The following KLRD1 variants were observed in gnomAD, a reference collection of about 807,000 sequenced individuals.
KLRD1 encodes the protein killer cell lectin like receptor D1.
A neutral mutation model predicts 22.6 loss-of-function variants in KLRD1; 21 were observed. That is an observed-to-expected ratio of 0.93 (90% CI 0.66 to 1.34). The LOEUF is 1.34. Ranked by LOEUF, KLRD1 falls within the 40% of genes most tolerant of loss-of-function variation. The pLI is 0.00. For missense variants in KLRD1, 183 were observed against 208.6 expected, an observed-to-expected ratio of 0.88 and a Z score of 0.76; for synonymous variants, 59 against 71.1, an observed-to-expected ratio of 0.83 and a Z score of 0.85.
chr12:10,295,051 G>C (rs1949809811), intron 1 of KLRD1, among the ~76,000 whole-genome samples: 1 of 152,166 alleles, frequency 6.6e-6, no homozygotes, highest in South Asian at 2.1e-4. Context: ...TTGGATGGTA[G>C]TTACAAGAGT....
intron 1 of KLRD1, among the ~76,000 whole-genome samples, chr12:10,255,351 T>A (rs925163167): frequency 1.3e-5 from 2 of 152,222 alleles, no homozygotes; most frequent in African/African-American, 4.8e-5. Flanking sequence ...TTTATGTACA[T>A]ACCTTCTAGT....
At chr12:10,271,858 T>C (rs1420196641) in intron 1 of KLRD1, among the ~76,000 whole-genome samples, 3 of 152,136 alleles carry the variant, frequency 2.0e-5, no homozygotes, top group African/African-American at 7.2e-5. Flanking sequence ...AAATTCTTAC[T>C]CTTTTAAAAA....
chr12:10,302,784 A>C (rs1949878155), upstream of KLRD1, among the ~76,000 whole-genome samples: 1 of 151,736 alleles, frequency 6.6e-6, no homozygotes, highest in Non-Finnish European at 1.5e-5. Flanking sequence ...AAAAAAAAAA[A>C]CCAACCTTAA....
intron 1 of KLRD1, among the ~76,000 whole-genome samples, chr12:10,286,952 A>G (rs896383508): frequency 3.9e-5 from 6 of 152,074 alleles, no homozygotes; most frequent in African/African-American, 1.4e-4. Context: ...AGCCTGGCCA[A>G]TGTGGCAAAA....
At chr12:10,278,951 CTTT>C (rs1167243705) in intron 1 of KLRD1, among the ~76,000 whole-genome samples, 2 of 75,782 alleles carry the variant, frequency 2.6e-5, no homozygotes, top group Non-Finnish European at 3.0e-5. Context: ...TTTTACAATT[CTTT>C]TTTTTTTTTT....
At chr12:10,309,602 C>T (rs1265384902) in intron 2 of KLRD1, 24 bp from the exon 3 acceptor site, 4 of 1,578,620 alleles carry the variant, frequency 2.5e-6, no homozygotes, top group African/African-American at 1.3e-5. Flanking sequence ...CCTAATTAAA[C>T]AAATTTCTAA....
intron 1 of KLRD1, among the ~76,000 whole-genome samples, chr12:10,275,444 G>T (rs1022602625): frequency 6.6e-6 from 1 of 152,192 alleles, no homozygotes; most frequent in South Asian, 2.1e-4. Flanking sequence ...TTGACCTGCT[G>T]ATCTTTTTAA....
Position 10,323,327 on chromosome 12 carries a change from A to T in KLRD1, c.*8534A>T, listed in dbSNP as rs962960083. On this transcript the variant is annotated 3_prime_UTR_variant, in exon 6 of 6. Transcript: ENST00000336164. Reference sequence around the variant, plus strand: ...TTACTCTGTATTCTTGACAATACATAGTATTATGAATTATTTTAGTCTAAG... The same window carrying T: ...TTACTCTGTATTCTTGACAATACATTGTATTATGAATTATTTTAGTCTAAG... The T allele has an allele frequency of 2.6e-5, 4 of 152,184 alleles. No homozygotes were observed. Among genetic ancestry groups the T allele is most frequent in the Admixed American group, 6.5e-5 (1 of 15,270 alleles). 9.4% of individuals were successfully genotyped at this position (152,184 alleles called of 1,614,324 possible).
intron 5 of KLRD1, among the ~76,000 whole-genome samples, chr12:10,314,287 T>C (rs965122115): frequency 2.6e-5 from 4 of 152,226 alleles, no homozygotes; most frequent in African/African-American, 9.6e-5. Flanking sequence ...ACTTTTTGAA[T>C]CTCATTTTCA....
At chr12:10,239,315 T>G (rs1045970893) in intron 1 of KLRD1, among the ~76,000 whole-genome samples, 2 of 152,170 alleles carry the variant, frequency 1.3e-5, no homozygotes, top group African/African-American at 2.4e-5. Context: ...ACCACAAAGA[T>G]AGAGAATTGC....
Position 10,239,444 on chromosome 12 carries a change from TC to T in KLRD1, c.-101+13213del, listed in dbSNP as rs1184704120. On this transcript the variant is annotated intron_variant, in intron 1 of 5. Coordinates refer to the KLRD1 transcript ENST00000544747. ...TCCATCCTTCCTTCCTTTCCTTCCT[TC>T]CTTCCTTCCTTCCTTCCTTCCTTCC... Among the ~76,000 whole-genome samples the T allele has an allele frequency of 1.1e-3, 40 of 37,964 alleles. 2 individuals carry two copies. Among genetic ancestry groups the T allele is most frequent in the East Asian group, 5.2e-3 (4 of 772 alleles). 24.9% of individuals were successfully genotyped at this position (37,964 alleles called of 152,430 possible).
At chr12:10,288,067 CAAA>C (rs35335784) in intron 1 of KLRD1, among the ~76,000 whole-genome samples, 5 of 92,920 alleles carry the variant, frequency 5.4e-5, no homozygotes, top group Admixed American at 1.2e-4. Context: ...GACTCTGTCT[CAAA>C]AAAAAAAAAA....
At chr12:10,239,454 C>A (rs1949215257) in intron 1 of KLRD1, among the ~76,000 whole-genome samples, 1 of 23,228 alleles carries the variant, frequency 4.3e-5, no homozygotes. Context: ...TCCTTCCTTC[C>A]TTCCTTCCTT....
chr12:10,257,482 C>CTTTTTTTT (rs56871156), intron 1 of KLRD1, among the ~76,000 whole-genome samples: 55 of 97,376 alleles, frequency 5.6e-4, no homozygotes, highest in African/African-American at 1.9e-3. Context: ...GTAGCTGATT[C>CTTTTTTTT]TTTTTTTTTT....
chr12:10,288,796 T>C (rs1410064935), intron 1 of KLRD1, among the ~76,000 whole-genome samples: 1 of 152,238 alleles, frequency 6.6e-6, no homozygotes, highest in Middle Eastern at 3.2e-3. Context: ...AATAATCCTT[T>C]ATAAGACTCT....
intron 1 of KLRD1, among the ~76,000 whole-genome samples, chr12:10,267,726 G>A (rs1565453822): frequency 6.6e-6 from 1 of 152,322 alleles, no homozygotes; most frequent in South Asian, 2.1e-4. Context: ...TAGAAGGATC[G>A]TGGCTAAAGT....
intron 1 of KLRD1, among the ~76,000 whole-genome samples, chr12:10,239,681 G>A (rs957159797): frequency 1.2e-4 from 18 of 148,092 alleles, no homozygotes; most frequent in Middle Eastern, 3.5e-3. Context: ...TCACTCTGTT[G>A]CCCAGGCTGG....
chr12:10,261,821 A>G (rs1479226651), intron 1 of KLRD1, among the ~76,000 whole-genome samples: 2 of 152,126 alleles, frequency 1.3e-5, no homozygotes, highest in African/African-American at 2.4e-5. Context: ...TAATACTTGT[A>G]TCATAAGATT....
intron 1 of KLRD1, among the ~76,000 whole-genome samples, chr12:10,264,504 TTC>T (rs5796388): frequency 0.8 from 121,990 of 152,026 alleles, 53,523 homozygotes; most frequent in Non-Finnish European, 0.98. Flanking sequence ...TAAAATAGTC[TTC>T]TATATGGAGT....
Sources: allele counts gnomAD v4.1 joint callset (sites outside exome capture counted in the v4.1 genomes callset), GRCh38; gene constraint gnomAD v4.1.1; transcripts MANE v1.5; gene names NCBI Gene and HGNC (gene_info 2026-07-23, HGNC 2026-07-21).